Variants in ATF7IP observed in about 807,000 individuals in gnomAD.
The protein encoded by ATF7IP is activating transcription factor 7-interacting protein 1.
ATF7IP carries 23 observed loss-of-function variants against 106.4 expected under a neutral mutation model. The ratio of observed to expected loss-of-function variants is 0.22; its 90% confidence interval spans 0.16 to 0.31. The LOEUF (loss-of-function observed/expected upper bound fraction) is 0.31, where lower values mean the gene tolerates loss of function less well. ATF7IP is among the 10% of genes least tolerant of loss of function. The probability of loss-of-function intolerance (pLI) is 1.00; values close to 1 mark genes in which losing one functional copy is unlikely to be tolerated. For synonymous variants in ATF7IP, 542 were observed against 539.0 expected (o/e 1.01, Z -0.08); for missense variants, 1,334 against 1,524.3 (o/e 0.88, Z 2.08).
intron 1 of ATF7IP, among the ~76,000 whole-genome samples, chr12:14,368,355 T>G (rs1173091234): frequency 6.6e-6 from 1 of 152,114 alleles, no homozygotes; most frequent in Non-Finnish European, 1.5e-5. Context: ...AATGGTTGCA[T>G]GATACTTTAT....
chr12:14,385,437 AT>A, intron 1 of ATF7IP: 4 of 1,514,868 alleles, frequency 2.6e-6, no homozygotes, highest in Non-Finnish European at 3.5e-6. Context: ...AAACATTCTC[AT>A]TTTTTTCTTT....
chr12:14,416,362 ATGT>A (rs536049076), intron 1 of ATF7IP, among the ~76,000 whole-genome samples: 1 of 152,298 alleles, frequency 6.6e-6, no homozygotes, highest in Middle Eastern at 3.4e-3. Flanking sequence ...ATTCAGAAAA[ATGT>A]TGTACTCTCA....
intron 1 of ATF7IP, among the ~76,000 whole-genome samples, chr12:14,400,067 G>T (rs1215522380): frequency 6.6e-6 from 1 of 152,088 alleles, no homozygotes; most frequent in Admixed American, 6.6e-5. Context: ...ATGGAAGAGA[G>T]AATGTCTGAT....
At chr12:14,445,385 C>G (rs917179303) in intron 5 of ATF7IP, among the ~76,000 whole-genome samples, 5 of 150,452 alleles carry the variant, frequency 3.3e-5, no homozygotes, top group Admixed American at 2.6e-4. Flanking sequence ...TTTTCTTTTT[C>G]TTTCTTTCTT....
chr12:14,433,221 T>A (rs987100214), intron 2 of ATF7IP, among the ~76,000 whole-genome samples: 2 of 151,952 alleles, frequency 1.3e-5, no homozygotes. Flanking sequence ...ATAAAAAAAA[T>A]TTAGGCCCAG....
intron 2 of ATF7IP, among the ~76,000 whole-genome samples, chr12:14,432,872 A>T (rs1280936494): frequency 6.6e-6 from 1 of 152,204 alleles, no homozygotes; most frequent in East Asian, 1.9e-4. Context: ...GGGAAAATAG[A>T]AGTCAAACAT....
At chr12:14,368,386 A>G (rs1245115441) in intron 1 of ATF7IP, among the ~76,000 whole-genome samples, 1 of 152,042 alleles carries the variant, frequency 6.6e-6, no homozygotes, top group Non-Finnish European at 1.5e-5. Flanking sequence ...CACATGATCA[A>G]ATGTTCTTTT....
chr12:14,415,239 G>A (rs567283009), intron 1 of ATF7IP, among the ~76,000 whole-genome samples: 6 of 152,248 alleles, frequency 3.9e-5, no homozygotes, highest in Non-Finnish European at 8.8e-5. Flanking sequence ...TTCTAAAATG[G>A]CATTTGTTGG....
At chr12:14,441,487 CT>C (rs36088397) in intron 5 of ATF7IP, among the ~76,000 whole-genome samples, 82 of 105,268 alleles carry the variant, frequency 7.8e-4, no homozygotes, top group African/African-American at 1.1e-3. Context: ...ATACCAAAGT[CT>C]TTTTTTTTTT....
At chr12:14,432,334 G>A (rs780872148) in intron 2 of ATF7IP, among the ~76,000 whole-genome samples, 11 of 152,134 alleles carry the variant, frequency 7.2e-5, no homozygotes, top group Non-Finnish European at 1.0e-4. Context: ...TACTAACAAT[G>A]AGTATTAAAA....
intron 10 of ATF7IP, among the ~76,000 whole-genome samples, chr12:14,472,129 A>C (rs1443859874): frequency 6.6e-6 from 1 of 152,120 alleles, no homozygotes; most frequent in South Asian, 2.1e-4. Context: ...TATTTTAAGG[A>C]CATCTTAACT....
chr12:14,423,885 C>T (rs748521320), intron 1 of ATF7IP, 24 bp from the exon 2 acceptor site: 1 of 1,543,512 alleles, frequency 6.5e-7, no homozygotes, highest in South Asian at 1.3e-5. Context: ...AGTTATTAAA[C>T]TCTCTTTCTC....
intron 2 of ATF7IP, among the ~76,000 whole-genome samples, chr12:14,431,221 A>G (rs1942105453): frequency 6.6e-6 from 1 of 152,180 alleles, no homozygotes; most frequent in Admixed American, 6.5e-5. Context: ...TACCAAAATT[A>G]TGAGATCTGG....
chr12:14,439,998 T>C (rs1194622876), intron 5 of ATF7IP, among the ~76,000 whole-genome samples: 4 of 152,226 alleles, frequency 2.6e-5, no homozygotes, highest in Admixed American at 6.5e-5. Flanking sequence ...TGAATCTTTC[T>C]AACACCAAGC....
At chr12:14,492,543 A>T (rs957631723) in intron 13 of ATF7IP, among the ~76,000 whole-genome samples, 2 of 152,028 alleles carry the variant, frequency 1.3e-5, no homozygotes, top group Non-Finnish European at 2.9e-5. Context: ...TTCTGTTTTT[A>T]TTATTCAATT....
In ATF7IP at chr12:14,481,193, A is replaced by G. The variant is rs1944416913; in HGVS notation, c.3280+8A>G. 6.2e-7 allele frequency: 1 copy of G among 1,613,064 alleles called. No individual in the cohort carries two copies. The highest frequency in any genetic ancestry group is 1.7e-4 in the Middle Eastern group (1 of 5,964). On this transcript the variant is annotated splice_region_variant and intron_variant, in intron 13 of 14. Transcript: ENST00000261168. The stretch of plus-strand genomic sequence containing the variant: ...AGGTCAATCCCCAAAATAGTAAGAG[A>G]TTTTTCTTGTATATGGCCCCAAGAT...
chr12:14,441,487 C>CTTTTTTTTT (rs36088397), intron 5 of ATF7IP, among the ~76,000 whole-genome samples: 1 of 105,264 alleles, frequency 9.5e-6, no homozygotes, highest in African/African-American at 3.7e-5. Flanking sequence ...ATACCAAAGT[C>CTTTTTTTTT]TTTTTTTTTT....
intron 13 of ATF7IP, 38 bp from the exon 14 acceptor site, chr12:14,496,193 T>C (rs377357636): frequency 1.2e-5 from 16 of 1,281,122 alleles, no homozygotes; most frequent in Non-Finnish European, 1.8e-5. Context: ...TACAATAGAA[T>C]TATCATTTTA....
chr12:14,422,039 C>T (rs2136540541), intron 1 of ATF7IP, among the ~76,000 whole-genome samples: 1 of 152,058 alleles, frequency 6.6e-6, no homozygotes, highest in Non-Finnish European at 1.5e-5. Flanking sequence ...GCAACTAAAG[C>T]AGCTCTTAGA....
Sources: gnomAD v4.1 joint callset for allele counts (sites outside exome capture counted in the v4.1 genomes callset) on GRCh38, gnomAD v4.1.1 for gene constraint, MANE v1.5 for transcripts, NCBI Gene and HGNC (gene_info 2026-07-23, HGNC 2026-07-21) for gene names.